SLC39A9: variants seen among roughly 807,000 people sequenced by gnomAD.
SLC39A9 encodes solute carrier family 39 member 9.
In SLC39A9, 14 loss-of-function variants were observed where a neutral mutation model predicts 28.4. The ratio of observed to expected loss-of-function variants is 0.49; its 90% CI spans 0.33 to 0.77. The LOEUF is 0.77. Ranked by LOEUF, SLC39A9 falls within the 30% of genes least tolerant of loss-of-function variation. The pLI is 0.02. For missense variants in SLC39A9, 283 were observed against 381.1 expected, an observed-to-expected ratio of 0.74 and a Z score of 2.14; for synonymous variants, 119 against 149.6, an observed-to-expected ratio of 0.80 and a Z score of 1.49.
chr14:69,403,215 G>A (rs1192746542), intron 1 of SLC39A9, among the ~76,000 whole-genome samples: 1 of 152,138 alleles, frequency 6.6e-6, no homozygotes, highest in East Asian at 1.9e-4. Flanking sequence ...ATGTTTTTTC[G>A]ATTGAATTGC....
At chr14:69,451,547 A>G (rs1251331653) in intron 3 of SLC39A9, among the ~76,000 whole-genome samples, 1 of 152,202 alleles carries the variant, frequency 6.6e-6, no homozygotes, top group East Asian at 1.9e-4. Flanking sequence ...AGAGGTAGAA[A>G]ATTTAATGCT....
chr14:69,423,205 A>C (rs1339254043), intron 1 of SLC39A9, among the ~76,000 whole-genome samples: 1 of 152,230 alleles, frequency 6.6e-6, no homozygotes, highest in African/African-American at 2.4e-5. Context: ...TTATCAATAC[A>C]TATTGATTGC....
At chr14:69,446,563 G>A (rs936262700) in intron 3 of SLC39A9, among the ~76,000 whole-genome samples, 3 of 151,910 alleles carry the variant, frequency 2.0e-5, no homozygotes, top group African/African-American at 7.2e-5. Context: ...CAGTAATAAA[G>A]CATAAACCAT....
At chr14:69,449,761 T>C (rs888851126) in intron 3 of SLC39A9, among the ~76,000 whole-genome samples, 3 of 151,974 alleles carry the variant, frequency 2.0e-5, no homozygotes, top group Admixed American at 1.3e-4. Flanking sequence ...GAACAGAGAG[T>C]AGCTGCAGAA....
intron 6 of SLC39A9, among the ~76,000 whole-genome samples, chr14:69,457,376 T>C (rs2139459619): frequency 6.6e-6 from 1 of 151,086 alleles, no homozygotes; most frequent in Non-Finnish European, 1.5e-5. Context: ...CTAATTTTTG[T>C]ATTTTTAGTA....
chr14:69,424,087 T>A lies in SLC39A9; in HGVS notation c.97-7T>A, dbSNP rs762702865. Reference sequence around the variant, plus strand: ...GTTTGCAATTATTTCTTTTGCTTTCTCCCCAGGAACGACTGAAGCTGGTGA... The same window carrying A: ...GTTTGCAATTATTTCTTTTGCTTTCACCCCAGGAACGACTGAAGCTGGTGA... On this transcript the variant is annotated splice_polypyrimidine_tract_variant and splice_region_variant and intron_variant, in intron 1 of 6. Coordinates refer to ENST00000336643, the MANE Select transcript of SLC39A9 (RefSeq NM_018375.5). 6.2e-7 allele frequency: 1 copy of A among 1,610,484 alleles called. No individual in the cohort carries two copies. Among genetic ancestry groups the A allele is most frequent in the South Asian group, 1.1e-5 (1 of 90,874 alleles).
rs540669410 is a variant in SLC39A9 at position 69,417,206 on chromosome 14, C to A, written c.97-6888C>A. ...TCTACATATGGCTAGCCAGTTTTCC[C>A]AGCACCATTTATTAAATAGTGAATC... is the stretch of plus-strand genomic sequence containing the variant. On this transcript the variant is annotated intron_variant, in intron 1 of 6. Transcript: ENST00000336643. Among the ~76,000 whole-genome samples the A allele has an allele frequency of 1.3e-4, 20 of 152,290 alleles. No individual in the cohort carries two copies. In the East Asian group the frequency reaches 3.5e-3, roughly 26 times the overall value.
intron 3 of SLC39A9, among the ~76,000 whole-genome samples, chr14:69,448,988 A>AT (rs888425794): frequency 4.6e-5 from 7 of 151,674 alleles, no homozygotes; most frequent in Admixed American, 1.3e-4. Context: ...GGATGTATGA[A>AT]TTTTTTTTTA....
At chr14:69,440,823 G>A (rs976306987) in intron 2 of SLC39A9, among the ~76,000 whole-genome samples, 15 of 152,148 alleles carry the variant, frequency 9.9e-5, no homozygotes, top group African/African-American at 2.7e-4. Flanking sequence ...ACAGGCACGC[G>A]CCACCGTGCC....
intron 3 of SLC39A9, among the ~76,000 whole-genome samples, chr14:69,445,595 G>T (rs985240764): frequency 6.6e-6 from 1 of 152,122 alleles, no homozygotes; most frequent in African/African-American, 2.4e-5. Flanking sequence ...TGTGTAGGGG[G>T]TCAACACTCC....
intron 3 of SLC39A9, among the ~76,000 whole-genome samples, chr14:69,450,227 G>A (rs1402462751): frequency 6.6e-6 from 1 of 151,778 alleles, no homozygotes; most frequent in Admixed American, 6.6e-5. Flanking sequence ...GAAGAGGACC[G>A]AGCTGGGGCA....
At chr14:69,441,722 A>C in intron 2 of SLC39A9, 1 of 861,024 alleles carries the variant, frequency 1.2e-6, no homozygotes, top group Non-Finnish European at 1.4e-6. Flanking sequence ...AAAACAGTGT[A>C]TTTTCTGGTG....
At chr14:69,429,228 C>T (rs1310048997) in intron 2 of SLC39A9, 1 of 152,170 alleles carries the variant, frequency 6.6e-6, no homozygotes, top group Non-Finnish European at 1.5e-5. Context: ...GTGTCTCACA[C>T]TTGATAGAGC....
chr14:69,425,887 A>G (rs970429602), intron 2 of SLC39A9, among the ~76,000 whole-genome samples: 1 of 152,096 alleles, frequency 6.6e-6, no homozygotes, highest in Non-Finnish European at 1.5e-5. Flanking sequence ...CTGGTTGCCA[A>G]TTCCGGGACT....
chr14:69,411,548 G>A (rs1460865616), intron 1 of SLC39A9, among the ~76,000 whole-genome samples: 4 of 152,114 alleles, frequency 2.6e-5, no homozygotes, highest in Non-Finnish European at 5.9e-5. Flanking sequence ...TTTGGGAACT[G>A]TCTTTTGATC....
intron 1 of SLC39A9, 22 bp from the exon 2 acceptor site, chr14:69,424,072 A>C: frequency 6.3e-7 from 1 of 1,591,068 alleles, no homozygotes; most frequent in Non-Finnish European, 8.6e-7. Flanking sequence ...GTTTGCAATT[A>C]TTTCTTTTGC....
At position 69,460,405 on chromosome 14, in the gene SLC39A9, A is replaced by G. The variant is rs1399925899; in HGVS notation, c.*1812A>G. 1.0e-6 allele frequency: 1 copy of G among 985,372 alleles called. No individual in the cohort carries two copies. The highest frequency in any genetic ancestry group is 4.7e-5 in the South Asian group (1 of 21,294). The allele number at this position is 985,372 out of a possible 1,614,324, so 61.0% of individuals were successfully genotyped here. ...TTTTACTACCAAGAGAAGGTATAGT[A>G]TGGAAAGTCCAAATGACTTCCTTGA... On this transcript the variant is annotated 3_prime_UTR_variant, in exon 7 of 7. Transcript: ENST00000336643.
At chr14:69,409,037 C>G (rs938340652) in intron 1 of SLC39A9, among the ~76,000 whole-genome samples, 3 of 152,018 alleles carry the variant, frequency 2.0e-5, no homozygotes, top group African/African-American at 7.3e-5. Flanking sequence ...GGAAACTGGG[C>G]CTCAAGTTTA....
chr14:69,403,618 C>T (rs1346331755), intron 1 of SLC39A9, among the ~76,000 whole-genome samples: 1 of 152,116 alleles, frequency 6.6e-6, no homozygotes, highest in South Asian at 2.1e-4. Flanking sequence ...TTAAATTCAA[C>T]AGATAAAAAA....
Sources: allele counts gnomAD v4.1 joint callset (sites outside exome capture counted in the v4.1 genomes callset), GRCh38; gene constraint gnomAD v4.1.1; transcripts MANE v1.5; gene names NCBI Gene and HGNC (gene_info 2026-07-23, HGNC 2026-07-21).